MSRA: variants seen among roughly 807,000 people sequenced by gnomAD.
MSRA encodes the protein methionine sulfoxide reductase A, also known as mitochondrial peptide methionine sulfoxide reductase.
Under a neutral mutation model 31.3 loss-of-function variants are expected in MSRA, and 54 were observed. The ratio of observed to expected loss-of-function variants is 1.73; its 90% CI spans 1.39 to 2.17. MSRA has a LOEUF of 2.17. Among genes scored for constraint, MSRA ranks in the 30% most tolerant of loss-of-function variants. MSRA has a pLI of 0.00. For missense variants in MSRA, 507 were observed against 300.9 expected (o/e 1.69, Z -5.07); for synonymous variants, 169 against 116.5 (o/e 1.45, Z -2.90).
At chr8:10,237,742 C>G (rs953504680) in intron 2 of MSRA, among the ~76,000 whole-genome samples, 1 of 152,228 alleles carries the variant, frequency 6.6e-6, no homozygotes, top group Non-Finnish European at 1.5e-5. Flanking sequence ...CTCTCTTTCT[C>G]TCAAACTCTG....
intron 2 of MSRA, among the ~76,000 whole-genome samples, chr8:10,226,695 G>GTA (rs754927984): frequency 4.6e-5 from 7 of 151,964 alleles, no homozygotes; most frequent in Admixed American, 1.3e-4. Flanking sequence ...GCATATATGA[G>GTA]TATATATATA....
At chr8:10,408,652 G>A (rs1807967756) in intron 5 of MSRA, among the ~76,000 whole-genome samples, 1 of 152,182 alleles carries the variant, frequency 6.6e-6, no homozygotes, top group South Asian at 2.1e-4. Context: ...ATTGTGTAGT[G>A]GCGAAGTCTG....
At chr8:10,190,445 C>A (rs552630445) in intron 1 of MSRA, among the ~76,000 whole-genome samples, 2 of 152,346 alleles carry the variant, frequency 1.3e-5, no homozygotes, top group South Asian at 4.1e-4. Context: ...CTGCTAGTTC[C>A]TGACAATCTG....
chr8:10,326,790 A>C (rs193158503), intron 5 of MSRA, among the ~76,000 whole-genome samples: 3 of 152,186 alleles, frequency 2.0e-5, no homozygotes, highest in African/African-American at 4.8e-5. Flanking sequence ...TGGATTGTCA[A>C]ATATGGACAA....
intron 3 of MSRA, among the ~76,000 whole-genome samples, chr8:10,255,950 C>T (rs1374533406): frequency 5.3e-5 from 8 of 152,164 alleles, no homozygotes; most frequent in Non-Finnish European, 1.2e-4. Context: ...AACATCCCCA[C>T]CTGAGTGGTG....
At chr8:10,199,145 G>C (rs1014707588) in intron 1 of MSRA, among the ~76,000 whole-genome samples, 1 of 152,132 alleles carries the variant, frequency 6.6e-6, no homozygotes. Context: ...TGCTTTGGGA[G>C]CCTGGAGAAA....
At chr8:10,270,751 T>G (rs1798991351) in intron 3 of MSRA, among the ~76,000 whole-genome samples, 1 of 152,236 alleles carries the variant, frequency 6.6e-6, no homozygotes, top group South Asian at 2.1e-4. Flanking sequence ...CTCATTCACA[T>G]CAGACCCTAT....
intron 3 of MSRA, among the ~76,000 whole-genome samples, chr8:10,260,137 T>C (rs2129092663): frequency 1.3e-5 from 2 of 152,212 alleles, no homozygotes; most frequent in African/African-American, 4.8e-5. Flanking sequence ...TCAGAAGAAG[T>C]GGCAAAGAAA....
chr8:10,252,172 C>G (rs1797951755), intron 3 of MSRA, among the ~76,000 whole-genome samples: 1 of 152,144 alleles, frequency 6.6e-6, no homozygotes, highest in South Asian at 2.1e-4. Context: ...GGAACTGAGG[C>G]TGAGAGAGAT....
chr8:10,287,710 G>A (rs1800011593), intron 3 of MSRA, among the ~76,000 whole-genome samples: 1 of 152,180 alleles, frequency 6.6e-6, no homozygotes, highest in Admixed American at 6.5e-5. Flanking sequence ...TAGTCTAGCT[G>A]AATGCTCTCC....
intron 5 of MSRA, among the ~76,000 whole-genome samples, chr8:10,366,211 C>G (rs931301310): frequency 2.0e-5 from 3 of 152,196 alleles, no homozygotes; most frequent in South Asian, 4.1e-4. Context: ...CTTCATGTTT[C>G]GTTTAGGGAA....
intron 1 of MSRA, among the ~76,000 whole-genome samples, chr8:10,077,683 C>G (rs956941867): frequency 1.3e-5 from 2 of 151,916 alleles, no homozygotes; most frequent in Non-Finnish European, 2.9e-5. Flanking sequence ...CTCCCTCACT[C>G]TTCCCTCCCT....
intron 2 of MSRA, among the ~76,000 whole-genome samples, chr8:10,231,026 T>TC (rs966203588): frequency 2.0e-5 from 3 of 152,108 alleles, no homozygotes; most frequent in African/African-American, 4.8e-5. Flanking sequence ...CTCAGGTGAT[T>TC]CCCCCCACCT....
intron 5 of MSRA, among the ~76,000 whole-genome samples, chr8:10,338,853 C>T (rs1803228411): frequency 6.6e-6 from 1 of 152,150 alleles, no homozygotes; most frequent in African/African-American, 2.4e-5. Flanking sequence ...TGATCACTCT[C>T]TTTGGGGGTG....
chr8:10,105,033 G>C (rs1220015281), intron 1 of MSRA, among the ~76,000 whole-genome samples: 1 of 152,214 alleles, frequency 6.6e-6, no homozygotes. Flanking sequence ...TGATTACTTA[G>C]TGAGATTGAA....
chr8:10,385,972 T>C (rs906946919), intron 5 of MSRA, among the ~76,000 whole-genome samples: 2 of 152,080 alleles, frequency 1.3e-5, no homozygotes, highest in Non-Finnish European at 2.9e-5. Flanking sequence ...TTTCTGGAGA[T>C]AGCGCCCCTT....
intron 5 of MSRA, among the ~76,000 whole-genome samples, chr8:10,350,647 G>A (rs1804070953): frequency 6.6e-6 from 1 of 152,244 alleles, no homozygotes; most frequent in South Asian, 2.1e-4. Context: ...CAGCTTTGCC[G>A]GGCTTCAGGC....
chr8:10,111,747 A>G lies in MSRA; in HGVS notation c.142+57089A>G, dbSNP rs151317224. 4.3e-3 allele frequency among the ~76,000 whole-genome samples: 658 copies of G among 152,340 alleles called. 3 individuals are homozygous for G. Among genetic ancestry groups the G allele is most frequent in the Admixed American group, 5.9e-3 (90 of 15,308 alleles). On this transcript the variant is annotated intron_variant, in intron 1 of 5. Coordinates refer to ENST00000317173, the MANE Select transcript of MSRA (RefSeq NM_012331.5). The stretch of plus-strand genomic sequence containing the variant: ...AGGAAATATTAGCAGATTGAATATC[A>G]GTTTTTAGAGAGAACTTCTTTTGGT...
intron 1 of MSRA, among the ~76,000 whole-genome samples, chr8:10,088,709 C>A (rs1409430831): frequency 6.6e-6 from 1 of 151,488 alleles, no homozygotes; most frequent in African/African-American, 2.4e-5. Context: ...GTGCTCCAGC[C>A]TGGGCACCAG....
Sources: allele counts gnomAD v4.1 joint callset (sites outside exome capture counted in the v4.1 genomes callset), GRCh38; gene constraint gnomAD v4.1.1; transcripts MANE v1.5; gene names NCBI Gene and HGNC (gene_info 2026-07-23, HGNC 2026-07-21).